Variants in GRID1 observed in about 807,000 individuals in gnomAD.
The protein encoded by GRID1 is glutamate ionotropic receptor delta type subunit 1.
A neutral mutation model predicts 98.0 loss-of-function variants in GRID1; 28 were observed. That is an observed-to-expected ratio of 0.29 (90% CI 0.21 to 0.39). The LOEUF (loss-of-function observed/expected upper bound fraction) is 0.39, where lower values mean the gene tolerates loss of function less well. Among genes scored for constraint, GRID1 ranks in the 10% least tolerant of loss-of-function variants. GRID1 has a pLI of 1.00. For synonymous variants in GRID1, 553 were observed against 538.5 expected (o/e 1.03, Z -0.37); for missense variants, 1,111 against 1,340.5 (o/e 0.83, Z 2.67).
At chr10:85,663,193 T>C (rs1046030460) in intron 12 of GRID1, among the ~76,000 whole-genome samples, 6 of 151,964 alleles carry the variant, frequency 3.9e-5, no homozygotes, top group Non-Finnish European at 7.4e-5. Context: ...ACTTGGGGAG[T>C]CCTTATCAGA....
intron 8 of GRID1, among the ~76,000 whole-genome samples, chr10:85,773,075 T>A (rs1842289865): frequency 6.6e-6 from 1 of 152,136 alleles, no homozygotes. Context: ...AAATCCTCAA[T>A]AAAATACTGG....
At chr10:85,713,832 A>G (rs1841608381) in intron 12 of GRID1, among the ~76,000 whole-genome samples, 1 of 151,938 alleles carries the variant, frequency 6.6e-6, no homozygotes, top group South Asian at 2.1e-4. Flanking sequence ...CAGCAAATTA[A>G]GACTAAATGT....
intron 2 of GRID1, among the ~76,000 whole-genome samples, chr10:86,332,336 T>C (rs540073497): frequency 6.6e-6 from 1 of 152,270 alleles, no homozygotes; most frequent in Admixed American, 6.5e-5. Flanking sequence ...AGGAGAATTC[T>C]AGACGGACCC....
At chr10:85,675,713 G>A (rs1252296549) in intron 12 of GRID1, among the ~76,000 whole-genome samples, 2 of 152,204 alleles carry the variant, frequency 1.3e-5, no homozygotes, top group African/African-American at 4.8e-5. Flanking sequence ...TTCTTTCAAT[G>A]TCCAGCAGGA....
chr10:85,647,600 T>C, intron 12 of GRID1: 1 of 572,716 alleles, frequency 1.7e-6, no homozygotes. Context: ...GTGTGTTTTC[T>C]CAGTGCAGAT....
chr10:86,087,254 C>G (rs1844073490), intron 4 of GRID1, among the ~76,000 whole-genome samples: 1 of 151,530 alleles, frequency 6.6e-6, no homozygotes. Context: ...GTCGGGGGAG[C>G]TCTTGTGTCT....
intron 4 of GRID1, among the ~76,000 whole-genome samples, chr10:85,959,202 T>G (rs928788579): frequency 6.6e-6 from 1 of 152,146 alleles, no homozygotes; most frequent in Non-Finnish European, 1.5e-5. Context: ...ATAATGAATC[T>G]CTTCTTCTAT....
At chr10:85,854,399 A>G in intron 8 of GRID1, 97 bp downstream of exon 8, 1 of 1,048,738 alleles carries the variant, frequency 9.5e-7, no homozygotes, top group African/African-American at 1.6e-5. Context: ...TATCTGTGCT[A>G]GTTAACAGTT....
In GRID1 at chr10:85,964,276, G is replaced by GA. The variant is rs559052471; in HGVS notation, c.727-48038dup. 2.8e-4 allele frequency among the ~76,000 whole-genome samples: 43 copies of GA among 151,966 alleles called. No homozygotes were observed. The South Asian group carries it at 6.7e-3, about 24-fold the overall frequency. ...CCATTGACTTTCTTCAAAGAATTGG[G>GA]AAAAAACATGAAAAAATAAATTTCA... On this transcript the variant is annotated intron_variant, in intron 4 of 15. Coordinates refer to ENST00000327946, the MANE Select transcript of GRID1 (RefSeq NM_017551.3).
intron 8 of GRID1, among the ~76,000 whole-genome samples, chr10:85,803,192 T>C (rs773104402): frequency 5.3e-5 from 8 of 151,962 alleles, no homozygotes; most frequent in Non-Finnish European, 1.0e-4. Context: ...CTATAGACAA[T>C]AATAACTTAA....
intron 2 of GRID1, among the ~76,000 whole-genome samples, chr10:86,343,249 T>C (rs989859752): frequency 1.3e-5 from 2 of 152,210 alleles, no homozygotes; most frequent in Non-Finnish European, 2.9e-5. Flanking sequence ...GATTTCTATA[T>C]ATAAAATAAA....
chr10:85,688,772 T>G (rs1841298685), intron 12 of GRID1, among the ~76,000 whole-genome samples: 1 of 152,158 alleles, frequency 6.6e-6, no homozygotes, highest in Admixed American at 6.5e-5. Context: ...GCTAATGAGC[T>G]CAGTGTTGAA....
At chr10:85,616,019 A>G (rs1842783838) in intron 14 of GRID1, among the ~76,000 whole-genome samples, 1 of 152,206 alleles carries the variant, frequency 6.6e-6, no homozygotes, top group Non-Finnish European at 1.5e-5. Context: ...TACCTACCTC[A>G]CAGGATATTG....
chr10:85,961,417 G>C (rs1214564707), intron 4 of GRID1, among the ~76,000 whole-genome samples: 1 of 152,102 alleles, frequency 6.6e-6, no homozygotes, highest in African/African-American at 2.4e-5. Flanking sequence ...GCCCAGACCA[G>C]TGAGGAGGCC....
chr10:86,088,366 C>G (rs769151940), intron 4 of GRID1, among the ~76,000 whole-genome samples: 12 of 152,228 alleles, frequency 7.9e-5, no homozygotes, highest in Non-Finnish European at 1.6e-4. Flanking sequence ...ATATCCCCCA[C>G]TTGAGATTCC....
chr10:85,775,508 G>A (rs1842322143), intron 8 of GRID1, among the ~76,000 whole-genome samples: 1 of 151,730 alleles, frequency 6.6e-6, no homozygotes, highest in Non-Finnish European at 1.5e-5. Flanking sequence ...AAAAAAGATG[G>A]CAACAATAGA....
At chr10:86,062,476 CCCT>C (rs1843663259) in intron 4 of GRID1, among the ~76,000 whole-genome samples, 2 of 152,158 alleles carry the variant, frequency 1.3e-5, no homozygotes, top group Admixed American at 1.3e-4. Flanking sequence ...GTTTTCCCCA[CCCT>C]TCCCAGACTC....
chr10:85,759,072 G>A (rs1444604959), intron 8 of GRID1, among the ~76,000 whole-genome samples: 1 of 152,158 alleles, frequency 6.6e-6, no homozygotes, highest in African/African-American at 2.4e-5. Context: ...AAACATGATG[G>A]AGATCCCTGC....
intron 4 of GRID1, among the ~76,000 whole-genome samples, chr10:86,045,105 G>A (rs1449491030): frequency 6.6e-6 from 1 of 152,232 alleles, no homozygotes; most frequent in Non-Finnish European, 1.5e-5. Flanking sequence ...GTGTTGTCAA[G>A]AGTCAATACT....
Sources: allele counts gnomAD v4.1 joint callset (sites outside exome capture counted in the v4.1 genomes callset), GRCh38; gene constraint gnomAD v4.1.1; transcripts MANE v1.5; gene names NCBI Gene and HGNC (gene_info 2026-07-23, HGNC 2026-07-21).